SMARCA4: variants seen among roughly 807,000 people sequenced by gnomAD.
SMARCA4 encodes the protein SWI/SNF-related matrix-associated actin-dependent regulator of chromatin subfamily A member 4.
SMARCA4 carries 31 observed loss-of-function variants against 193.9 expected under a neutral mutation model. The observed-to-expected ratio is 0.16, with a 90% CI of 0.12 to 0.22. The LOEUF is 0.22. Ranked by LOEUF, SMARCA4 falls within the 10% of genes least tolerant of loss-of-function variation. The pLI, the probability that SMARCA4 is intolerant of heterozygous loss-of-function variation, is 1.00. For synonymous variants in SMARCA4, 942 were observed against 933.1 expected, an observed-to-expected ratio of 1.01 and a Z score of -0.17; for missense variants, 1,148 against 2,296.0, an observed-to-expected ratio of 0.50 and a Z score of 10.22.
At chr19:11,006,866 C>G (rs2088260800) in intron 13 of SMARCA4, among the ~76,000 whole-genome samples, 1 of 149,944 alleles carries the variant, frequency 6.7e-6, no homozygotes, top group Non-Finnish European at 1.5e-5. Flanking sequence ...CAGGCAGATT[C>G]TTGAGCTCAG....
intron 11 of SMARCA4, among the ~76,000 whole-genome samples, chr19:10,996,839 CT>C (rs1434029118): frequency 6.6e-6 from 1 of 152,196 alleles, no homozygotes; most frequent in East Asian, 1.9e-4. Flanking sequence ...CCTGTGTGTT[CT>C]TCACCCAGAG....
intron 1 of SMARCA4, among the ~76,000 whole-genome samples, chr19:10,969,933 C>T (rs1327368034): frequency 6.6e-6 from 1 of 152,200 alleles, no homozygotes; most frequent in Non-Finnish European, 1.5e-5. Context: ...TACTGTGGCC[C>T]TCAAGGCCTG....
chr19:10,970,920 C>A (rs2084616103), intron 1 of SMARCA4, among the ~76,000 whole-genome samples: 1 of 152,084 alleles, frequency 6.6e-6, no homozygotes, highest in Non-Finnish European at 1.5e-5. Context: ...GAGTGTGGGC[C>A]AGGCACGGTG....
rs909619103 is a variant in SMARCA4, at chr19:11,034,803, G to C, written c.3952-111G>C. 1 of 761,228 alleles carries C rather than the reference G, an allele frequency of 1.3e-6. No individual in the cohort carries two copies. The highest frequency in any genetic ancestry group is 2.3e-6 in the Non-Finnish European group (1 of 440,920). 47.2% of individuals were successfully genotyped at this position (761,228 alleles called of 1,614,324 possible). A position where few individuals can be genotyped will look rare whatever the true frequency, so the allele number is the denominator to read the frequency against. On this transcript the variant is annotated intron_variant, in intron 28 of 34. Transcript: ENST00000344626. The surrounding 1 kb of genome is among the most constrained non-coding windows in gnomAD (Gnocchi z 7.0). Reference sequence around the variant, plus strand: ...GCTACTGTTTAACTCTCGCAGCAGCGTGGAGCCCCACGGGCAGAGAAAGGC... The same window carrying C: ...GCTACTGTTTAACTCTCGCAGCAGCCTGGAGCCCCACGGGCAGAGAAAGGC...
chr19:10,985,145 T>C lies in SMARCA4; in HGVS notation c.223-128T>C. 2.2e-6 allele frequency: 2 copies of C among 916,926 alleles called. No individual in the cohort carries two copies. The highest frequency in any genetic ancestry group is 3.5e-6 in the Non-Finnish European group (2 of 566,586). 56.8% of individuals were successfully genotyped at this position (916,926 alleles called of 1,614,324 possible). A position where few individuals can be genotyped will look rare whatever the true frequency, so the allele number is the denominator to read the frequency against. ...CTTGCCTTGGAGTCATGCTGGGGACTGGGGAGATGCGCGTCATCTTCGGGT... is the reference window on the plus strand; with the variant it reads ...CTTGCCTTGGAGTCATGCTGGGGACCGGGGAGATGCGCGTCATCTTCGGGT... On this transcript the variant is annotated intron_variant, in intron 2 of 34. Coordinates refer to ENST00000344626, the MANE Select transcript of SMARCA4 (RefSeq NM_003072.5). The surrounding 1 kb of genome is among the most constrained non-coding windows in gnomAD (Gnocchi z 4.5).
chr19:11,052,930 C>T (rs1207759361), intron 30 of SMARCA4, among the ~76,000 whole-genome samples: 1 of 152,204 alleles, frequency 6.6e-6, no homozygotes, highest in African/African-American at 2.4e-5. Flanking sequence ...GGCCAGTCCC[C>T]GCCTCGCAGT....
intron 29 of SMARCA4, among the ~76,000 whole-genome samples, chr19:11,038,099 A>C (rs1189601934): frequency 6.6e-6 from 1 of 152,172 alleles, no homozygotes; most frequent in East Asian, 1.9e-4. Flanking sequence ...AAGCAACAGA[A>C]CTATTTTCTC....
At chr19:10,979,365 A>G (rs112597979) in intron 1 of SMARCA4, among the ~76,000 whole-genome samples, 47 of 151,004 alleles carry the variant, frequency 3.1e-4, no homozygotes, top group Admixed American at 5.3e-4. Context: ...ATGCTCACAT[A>G]AAAAGAACGG....
At chr19:10,997,003 G>A (rs953918321) in intron 11 of SMARCA4, among the ~76,000 whole-genome samples, 2 of 150,992 alleles carry the variant, frequency 1.3e-5, no homozygotes, top group Non-Finnish European at 2.9e-5. Context: ...TTACGGTTAT[G>A]CCCCACCACA....
rs771462690 is a variant in SMARCA4 at position 11,039,446 on chromosome 19, A to C, written c.4171-1861A>C. On this transcript the variant is annotated intron_variant, in intron 29 of 34. Coordinates refer to ENST00000344626, the MANE Select transcript of SMARCA4 (RefSeq NM_003072.5). ...TGAAACACTAAACAGACATTAAAAA[A>C]TTTTGTTGTAGAAAATTACAGGAAA... 1.9e-6 allele frequency: 3 copies of C among 1,572,068 alleles called. No individual in the cohort carries two copies.
rs199824021 is a variant in SMARCA4 at position 11,019,059 on chromosome 19, C to T, written c.2505+36C>T. On this transcript the variant is annotated intron_variant, in intron 17 of 34. Transcript: ENST00000344626. This position sits in a 1 kb window ranked among gnomAD's most constrained non-coding sequence, Gnocchi z 6.1. ...GCCACTGAGGTTTCCTCTCTTGCTA[C>T]GGAGGTGCAGGCGGTGGTGGGCAGG... is the stretch of plus-strand genomic sequence containing the variant. 443 of 1,539,968 alleles carry T rather than the reference C, an allele frequency of 2.9e-4. 1 individual carries two copies. Among genetic ancestry groups the T allele is most frequent in the Middle Eastern group, 8.5e-4 (5 of 5,878 alleles).
At chr19:11,020,947 A>AT (rs1044812365) in intron 18 of SMARCA4, 1 of 153,522 alleles carries the variant, frequency 6.5e-6, no homozygotes, top group African/African-American at 2.4e-5. Flanking sequence ...GGTTCAAGTG[A>AT]TTCTCCTGCC....
chr19:10,992,834 G>A (rs138911317), intron 8 of SMARCA4, among the ~76,000 whole-genome samples: 9,004 of 151,968 alleles, frequency 0.059, 290 homozygotes, highest in South Asian at 0.11. Flanking sequence ...CTCGTGATCC[G>A]CCTGCCTCGG....
rs1198003715 is a variant in SMARCA4, at chr19:11,019,323, A to G, written c.2506-268A>G. 4 of 604,016 alleles carry G rather than the reference A, an allele frequency of 6.6e-6. No individual in the cohort carries two copies. Among genetic ancestry groups the G allele is most frequent in the Non-Finnish European group, 1.2e-5 (4 of 338,518 alleles). The allele number at this position is 604,016 out of a possible 1,614,324, so 37.4% of individuals were successfully genotyped here. ...GAGGGGAGCCTGTCAGCCACCAGGA[A>G]TGTGCAGATGGCGGTGCAGGCTGCG... is the stretch of plus-strand genomic sequence containing the variant. On this transcript the variant is annotated intron_variant, in intron 17 of 34. Transcript: ENST00000344626. This position sits in a 1 kb window ranked among gnomAD's most constrained non-coding sequence, Gnocchi z 6.1.
Position 11,060,039 on chromosome 19 carries a change from C to T in SMARCA4, c.4769-6C>T, listed in dbSNP as rs2076772410. 1 of 1,571,704 alleles carries T rather than the reference C, an allele frequency of 6.4e-7. No homozygotes were observed. The highest frequency in any genetic ancestry group is 1.7e-4 in the Middle Eastern group (1 of 6,012). On this transcript the variant is annotated splice_region_variant and splice_polypyrimidine_tract_variant and intron_variant, in intron 33 of 34. Transcript: ENST00000344626. ...AAGGCTGTCTTTCCCTCCCGGTCCC[C>T]TCCAGCTCGGTCCGTCAAAGTGAAG...
In SMARCA4 at chr19:11,026,240, G is replaced by A. The variant is rs375667566; in HGVS notation, c.3169-60G>A. 130 of 1,366,474 alleles carry A rather than the reference G, an allele frequency of 9.5e-5. 2 individuals are homozygous for A. The highest frequency in any genetic ancestry group is 7.9e-4 in the South Asian group (68 of 86,282). The allele number at this position is 1,366,474 out of a possible 1,614,324, so 84.6% of individuals were successfully genotyped here. On this transcript the variant is annotated intron_variant, in intron 22 of 34. Coordinates refer to ENST00000344626, the MANE Select transcript of SMARCA4 (RefSeq NM_003072.5). ...TGAGCACGAGCGGTGTGTGCGGACC[G>A]CAGCGGGGCCCGGTGGCCTGCTCCT... is the stretch of plus-strand genomic sequence containing the variant.
intron 8 of SMARCA4, among the ~76,000 whole-genome samples, chr19:10,992,689 A>G (rs890592624): frequency 5.3e-5 from 8 of 151,730 alleles, no homozygotes; most frequent in African/African-American, 1.7e-4. Flanking sequence ...CCTGGGTTCA[A>G]GCGATTTTCC....
chr19:10,977,069 TAAAC>T (rs1463903129), intron 1 of SMARCA4, among the ~76,000 whole-genome samples: 4 of 152,078 alleles, frequency 2.6e-5, no homozygotes, highest in Non-Finnish European at 1.5e-5. Flanking sequence ...AACAAATAAA[TAAAC>T]AAATAACAAG....
chr19:11,042,123 C>A (rs968639441), intron 30 of SMARCA4, among the ~76,000 whole-genome samples: 1 of 152,226 alleles, frequency 6.6e-6, no homozygotes. Context: ...CTGCCAGGCC[C>A]TGCTCCAAGC....
Sources: allele counts gnomAD v4.1 joint callset (sites outside exome capture counted in the v4.1 genomes callset), GRCh38; gene constraint gnomAD v4.1.1; non-coding constraint Gnocchi (gnomAD v3.1); transcripts MANE v1.5; gene names NCBI Gene and HGNC (gene_info 2026-07-23, HGNC 2026-07-21).